Variants in KIAA0825 observed in about 807,000 individuals in gnomAD.
The protein encoded by KIAA0825 is KIAA0825, also known as uncharacterized protein KIAA0825.
KIAA0825 carries 119 observed loss-of-function variants against 147.6 expected under a neutral mutation model. That is an observed-to-expected ratio of 0.81 (90% CI 0.69 to 0.94). The LOEUF (loss-of-function observed/expected upper bound fraction) is 0.94, where lower values mean the gene tolerates loss of function less well. KIAA0825 is among the 40% of genes least tolerant of loss of function. The pLI, the probability that KIAA0825 is intolerant of heterozygous loss-of-function variation, is 0.00. For synonymous variants in KIAA0825, 470 were observed against 518.1 expected, an observed-to-expected ratio of 0.91 and a Z score of 1.26; for missense variants, 1,381 against 1,472.7, an observed-to-expected ratio of 0.94 and a Z score of 1.02.
At chr5:94,163,778 A>G (rs924506120) in intron 20 of KIAA0825, among the ~76,000 whole-genome samples, 21 of 152,154 alleles carry the variant, frequency 1.4e-4, no homozygotes, top group Non-Finnish European at 2.8e-4. Context: ...CATGACTCAG[A>G]CAACACTTTC....
At chr5:94,186,789 G>A (rs983695529) in intron 20 of KIAA0825, among the ~76,000 whole-genome samples, 1 of 152,228 alleles carries the variant, frequency 6.6e-6, no homozygotes, top group African/African-American at 2.4e-5. Context: ...CAGAGAGGGT[G>A]TTGTGAGGGA....
At chr5:94,321,537 G>C (rs1264196597) in intron 20 of KIAA0825, among the ~76,000 whole-genome samples, 1 of 151,974 alleles carries the variant, frequency 6.6e-6, no homozygotes, top group East Asian at 1.9e-4. Context: ...GCTGAGATAT[G>C]AGTCTAAGTA....
In KIAA0825 at chr5:94,484,889, G is replaced by A; in HGVS notation, c.1012C>T (p.Pro338Ser). ...CPQKGRNFSL[P>S]LDKVEFLSQL... ...GATAAGAATTCGACTTTGTCTAAAG[G>A]GAGAGAGAAGTTTCTTCCTTTCTGT... The change falls in exon 6 of 21, where the codon CCT becomes TCT. Residue 338 changes from proline (P) to serine (S), a missense_variant. Pro to Ser is a moderately conservative substitution (Grantham distance 74). Transcript: ENST00000682413. 1.3e-6 allele frequency: 2 copies of A among 1,528,176 alleles called. No individual in the cohort carries two copies. Among genetic ancestry groups the A allele is most frequent in the Non-Finnish European group, 8.8e-7 (1 of 1,130,874 alleles). The allele number at this position is 1,528,176 out of a possible 1,614,324, so 94.7% of individuals were successfully genotyped here.
intron 20 of KIAA0825, among the ~76,000 whole-genome samples, chr5:94,314,427 T>C (rs971186213): frequency 6.6e-6 from 1 of 151,610 alleles, no homozygotes; most frequent in Non-Finnish European, 1.5e-5. Flanking sequence ...TGCACCAAAC[T>C]CAAGGCACCA....
intron 10 of KIAA0825, among the ~76,000 whole-genome samples, chr5:94,468,492 C>T (rs928720653): frequency 2.6e-5 from 4 of 152,204 alleles, no homozygotes; most frequent in South Asian, 2.1e-4. Context: ...CTACCAGCTG[C>T]ACCATACCAC....
At chr5:94,468,662 G>C (rs1222955075) in intron 10 of KIAA0825, among the ~76,000 whole-genome samples, 1 of 152,188 alleles carries the variant, frequency 6.6e-6, no homozygotes, top group Non-Finnish European at 1.5e-5. Context: ...TCCTTTAAGA[G>C]AGCTTCTTAT....
chr5:94,507,834 C>A (rs894446012), intron 5 of KIAA0825, among the ~76,000 whole-genome samples: 1 of 152,080 alleles, frequency 6.6e-6, no homozygotes, highest in African/African-American at 2.4e-5. Flanking sequence ...GGCAACTTAG[C>A]AATTGTATAT....
intron 20 of KIAA0825, among the ~76,000 whole-genome samples, chr5:94,319,874 CT>C (rs2150239029): frequency 1.3e-5 from 2 of 152,010 alleles, no homozygotes; most frequent in South Asian, 4.1e-4. Context: ...CAAAATCAGC[CT>C]ACCATTCAAT....
chr5:94,174,381 A>G (rs1484474906), intron 20 of KIAA0825, among the ~76,000 whole-genome samples: 1 of 152,118 alleles, frequency 6.6e-6, no homozygotes, highest in Non-Finnish European at 1.5e-5. Context: ...AAATATATAT[A>G]TATATTTAAA....
intron 20 of KIAA0825, among the ~76,000 whole-genome samples, chr5:94,270,704 T>G (rs1776943105): frequency 6.6e-6 from 1 of 151,928 alleles, no homozygotes; most frequent in Admixed American, 6.6e-5. Flanking sequence ...TATAACAATC[T>G]GAAAGTAAGG....
chr5:94,431,488 C>T (rs1234309691), intron 14 of KIAA0825, among the ~76,000 whole-genome samples: 1 of 152,122 alleles, frequency 6.6e-6, no homozygotes, highest in African/African-American at 2.4e-5. Context: ...CTGAAGTAGA[C>T]ATTAAATACC....
In KIAA0825 at chr5:94,489,277, A is replaced by G. The variant is rs928526876; in HGVS notation, c.971-4347T>C. ...CACCCGAAGTCCATCTTTGGCTCTCACAGGGCAGTATGGTTCAGGATCTTC... is the reference window on the plus strand; with the variant it reads ...CACCCGAAGTCCATCTTTGGCTCTCGCAGGGCAGTATGGTTCAGGATCTTC... On this transcript the variant is annotated intron_variant, in intron 5 of 20. Coordinates refer to ENST00000682413, the MANE Select transcript of KIAA0825 (RefSeq NM_001145678.3). Among the ~76,000 whole-genome samples, 10 of 152,186 alleles carry G rather than the reference A, an allele frequency of 6.6e-5. No homozygotes were observed. In the East Asian group the frequency reaches 1.9e-3, roughly 29 times the overall value.
chr5:94,474,907 G>T (rs1398227636), intron 7 of KIAA0825, among the ~76,000 whole-genome samples: 1 of 152,072 alleles, frequency 6.6e-6, no homozygotes, highest in African/African-American at 2.4e-5. Context: ...GGCTAACACG[G>T]TGAAACCCGG....
intron 14 of KIAA0825, among the ~76,000 whole-genome samples, chr5:94,431,504 C>A (rs547259865): frequency 1.1e-4 from 16 of 152,262 alleles, no homozygotes; most frequent in African/African-American, 3.9e-4. Context: ...ATACCAATTA[C>A]GTCAATTAAC....
chr5:94,489,604 G>A lies in KIAA0825; in HGVS notation c.971-4674C>T, dbSNP rs181744543. Among the ~76,000 whole-genome samples the A allele has an allele frequency of 3.6e-3, 536 of 148,970 alleles. 3 individuals carry two copies. The highest frequency in any genetic ancestry group is 5.3e-3 in the Non-Finnish European group (357 of 67,326). On this transcript the variant is annotated intron_variant, in intron 5 of 20. Coordinates refer to ENST00000682413, the MANE Select transcript of KIAA0825 (RefSeq NM_001145678.3). ...AAAAAAAAACAAACTCCACTTTTTT[G>A]GCTAGACATGGTGGCTCACACCTGT...
At chr5:94,297,411 G>A (rs1778184506) in intron 20 of KIAA0825, among the ~76,000 whole-genome samples, 1 of 152,042 alleles carries the variant, frequency 6.6e-6, no homozygotes, top group East Asian at 1.9e-4. Flanking sequence ...AATGTAAAGT[G>A]TTTTTCCTTT....
At chr5:94,545,464 AAGGAG>A (rs1218053971) in intron 2 of KIAA0825, among the ~76,000 whole-genome samples, 1 of 152,174 alleles carries the variant, frequency 6.6e-6, no homozygotes, top group African/African-American at 2.4e-5. Flanking sequence ...CCTTCTGCTT[AAGGAG>A]AGGAGAGTGA....
intron 20 of KIAA0825, among the ~76,000 whole-genome samples, chr5:94,217,011 T>C (rs540647072): frequency 6.6e-6 from 1 of 152,208 alleles, no homozygotes; most frequent in South Asian, 2.1e-4. Context: ...ATGAGTCCCA[T>C]AAAACAAAAA....
In KIAA0825 at chr5:94,611,276, TGTTAA is replaced by T. The variant is rs1436982273; in HGVS notation, c.-153+7219_-153+7223del. Among the ~76,000 whole-genome samples, 3 of 152,332 alleles carry T rather than the reference TGTTAA, an allele frequency of 2.0e-5. No homozygotes were observed. In the East Asian group the frequency reaches 5.8e-4, roughly 29 times the overall value. On this transcript the variant is annotated intron_variant, in intron 1 of 20. Coordinates refer to ENST00000682413, the MANE Select transcript of KIAA0825 (RefSeq NM_001145678.3). ...CACATGTTTCCTGAGTTATCCATTA[TGTTAA>T]ATCGCCTCTTTAATCTTCATTTCCT...
Sources: allele counts gnomAD v4.1 joint callset (sites outside exome capture counted in the v4.1 genomes callset), GRCh38; gene constraint gnomAD v4.1.1; transcripts MANE v1.5; gene names NCBI Gene and HGNC (gene_info 2026-07-23, HGNC 2026-07-21).